The following SMTN variants were observed in gnomAD, a reference collection of about 807,000 sequenced individuals.
SMTN encodes smoothelin.
Under a neutral mutation model 102.0 loss-of-function variants are expected in SMTN, and 58 were observed. The observed-to-expected ratio is 0.57, with a 90% CI of 0.46 to 0.71. The LOEUF (loss-of-function observed/expected upper bound fraction) is 0.71. Ranked by LOEUF, SMTN falls within the 30% of genes least tolerant of loss-of-function variation. The probability of loss-of-function intolerance (pLI) is 0.00; values close to 1 mark genes in which losing one functional copy is unlikely to be tolerated. For synonymous variants in SMTN, 478 were observed against 497.9 expected, an observed-to-expected ratio of 0.96 and a Z score of 0.53; for missense variants, 1,185 against 1,241.7, an observed-to-expected ratio of 0.95 and a Z score of 0.69.
Position 31,096,784 on chromosome 22 carries a change from C to T in SMTN, c.1913C>T (p.Pro638Leu), listed in dbSNP as rs772760133. 15 of 1,566,150 alleles carry T rather than the reference C, an allele frequency of 9.6e-6. No homozygotes were observed. Among genetic ancestry groups the T allele is most frequent in the Non-Finnish European group, 1.3e-5 (15 of 1,157,658 alleles). Residue 638 changes from proline to leucine, a missense_variant, in exon 14 of 21, where the codon CCA becomes CTA. Coordinates refer to ENST00000333137, the MANE Select transcript of SMTN (RefSeq NM_134269.3). ...CGGCTGCAGGAGGCACGGGGCCGGC[C>T]AGGGGAGGGGCGCGGCAACACAGCC... The part of the protein sequence containing the change: ...ERRLQEARGR[P>L]GEGRGNTATE...
At chr22:31,080,402 A>G (rs1424463985), upstream of SMTN, 1 of 152,240 alleles carries the variant, frequency 6.6e-6, no homozygotes, top group East Asian at 1.9e-4. Flanking sequence ...TATGCCTGGT[A>G]CATGGCAAGT....
Position 31,087,984 on chromosome 22 carries a change from TG to T in SMTN, c.73del (p.Ala25GlnfsTer65), listed in dbSNP as rs1305095275. ...LRKLLEVTAD[L>X]AERRRIRSAI... ...CTGCAGCTGGAGGTCACAGCAGATCTGGCAGAGCGGCGGCGCATCCGCTCAG... is the reference window on the plus strand; with the variant it reads ...CTGCAGCTGGAGGTCACAGCAGATCTGCAGAGCGGCGGCGCATCCGCTCAG... On this transcript the variant is annotated frameshift_variant, in exon 3 of 21. Transcript: ENST00000333137. LOFTEE classifies it high-confidence loss of function. 7 of 1,604,614 alleles carry T rather than the reference TG, an allele frequency of 4.4e-6. No homozygotes were observed. Among genetic ancestry groups the T allele is most frequent in the African/African-American group, 2.7e-5 (2 of 74,768 alleles).
chr22:31,085,319 G>A (rs2042611726), intron 2 of SMTN: 1 of 1,475,826 alleles, frequency 6.8e-7, no homozygotes, highest in East Asian at 2.6e-5. Flanking sequence ...GGCGCCCTGC[G>A]AGGGAGGGCG....
intron 2 of SMTN, chr22:31,085,193 G>A: frequency 6.5e-7 from 1 of 1,535,436 alleles, no homozygotes; most frequent in South Asian, 1.2e-5. Context: ...TGGGTGTCCT[G>A]GGGACCTTGG....
intron 19 of SMTN, 36 bp from the exon 20 acceptor site, chr22:31,100,849 G>A (rs753693655): frequency 6.0e-5 from 20 of 332,584 alleles, no homozygotes; most frequent in South Asian, 1.1e-4. Flanking sequence ...TCCTGCCCCC[G>A]TCCCCCACCC....
chr22:31,093,775 C>T (rs1434062135), intron 11 of SMTN: 2 of 1,594,530 alleles, frequency 1.3e-6, no homozygotes, highest in Non-Finnish European at 1.7e-6. Context: ...CCCCGAGGCC[C>T]TCTTTCAGGC....
At position 31,099,419 on chromosome 22, in the gene SMTN, G is replaced by A. The variant is rs190135903; in HGVS notation, c.2451+240G>A. On this transcript the variant is annotated intron_variant, in intron 18 of 20. Coordinates refer to ENST00000333137, the MANE Select transcript of SMTN (RefSeq NM_134269.3). ...TGGGTGGTGGGCAGGGTTCAAGGCC[G>A]GATCCCACTCTTGGAGTCCCCTCCT... 44 of 589,254 alleles carry A rather than the reference G, an allele frequency of 7.5e-5. 1 individual carries two copies. The highest frequency in any genetic ancestry group is 9.0e-4 in the Middle Eastern group (2 of 2,218). The allele number at this position is 589,254 out of a possible 1,614,324, so 36.5% of individuals were successfully genotyped here.
Position 31,088,108 on chromosome 22 carries a change from G to A in SMTN, c.195G>A (p.Trp65Ter). 1.3e-6 allele frequency: 2 copies of A among 1,598,938 alleles called. No homozygotes were observed. The highest frequency in any genetic ancestry group is 1.7e-6 in the Non-Finnish European group (2 of 1,169,688). The part of the protein sequence containing the change: ...RAERQDNKEN[W>*]LHSQQREAEQ... ...AGCGGCAGGACAACAAGGAGAACTG[G>A]CTGCAGTGAGTAGCGGGGGGTGGAA... Residue 65 changes from tryptophan (W) to a stop codon, truncating the protein, a stop_gained, in exon 3 of 21, where the codon TGG becomes TGA. Coordinates refer to ENST00000333137, the MANE Select transcript of SMTN (RefSeq NM_134269.3). LOFTEE classifies it high-confidence loss of function.
Position 31,081,473 on chromosome 22 carries a change from C to CG in SMTN, c.-81+24dup, listed in dbSNP as rs1208991946. On this transcript the variant is annotated intron_variant, in intron 1 of 20. Coordinates refer to ENST00000333137, the MANE Select transcript of SMTN (RefSeq NM_134269.3). The stretch of plus-strand genomic sequence containing the variant: ...GACTGAGAGGTGGGTGTGCGGACCT[C>CG]GGGGGGGATCCTGGTGCTGCCCCAA... The CG allele has an allele frequency of 3.9e-5, 6 of 152,388 alleles. No homozygotes were observed. The highest frequency in any genetic ancestry group is 6.5e-5 in the Admixed American group (1 of 15,280). 9.4% of individuals were successfully genotyped at this position (152,388 alleles called of 1,614,324 possible). A position where few individuals can be genotyped will look rare whatever the true frequency, so the allele number is the denominator to read the frequency against.
chr22:31,098,696 C>T lies in SMTN; in HGVS notation c.2189C>T (p.Pro730Leu), dbSNP rs2043813435. 1.9e-6 allele frequency: 3 copies of T among 1,613,550 alleles called. No individual in the cohort carries two copies. The highest frequency in any genetic ancestry group is 1.7e-4 in the Middle Eastern group (1 of 6,060). ...TTCGACCGCGAGGACCAGGCCAGCCCACGGGCCGGCAGCCTGGCGGCGCTC... is the reference window on the plus strand; with the variant it reads ...TTCGACCGCGAGGACCAGGCCAGCCTACGGGCCGGCAGCCTGGCGGCGCTC... ...SIFDREDQAS[P>L]RAGSLAALEK... is the part of the protein sequence containing the mutation. Residue 730 changes from proline (P) to leucine (L), a missense_variant, in exon 17 of 21, where the codon CCA becomes CTA. Pro to Leu is a moderately conservative substitution (Grantham distance 98). Coordinates refer to ENST00000333137, the MANE Select transcript of SMTN (RefSeq NM_134269.3).
At chr22:31,099,529 G>A (rs1294815855) in intron 18 of SMTN, 10 of 598,582 alleles carry the variant, frequency 1.7e-5, no homozygotes, top group Non-Finnish European at 2.7e-5. Context: ...GCTGGGTGGC[G>A]CTGGGCCTCT....
chr22:31,075,491 G>A (rs1383466295), intron 1 of SMTN, among the ~76,000 whole-genome samples: 1 of 152,082 alleles, frequency 6.6e-6, no homozygotes, highest in Admixed American at 6.6e-5. Flanking sequence ...GACCAGCCTG[G>A]CCAACATGTC....
At position 31,090,819 on chromosome 22, in the gene SMTN, C is replaced by T; in HGVS notation, c.877C>T (p.Pro293Ser). 6.2e-7 allele frequency: 1 copy of T among 1,613,682 alleles called. No individual in the cohort carries two copies. Among genetic ancestry groups the T allele is most frequent in the Non-Finnish European group, 8.5e-7 (1 of 1,179,718 alleles). ...SDTKRADVAG[P>S]RPCQRSLSVL... Reference sequence around the variant, plus strand: ...CCCCAACCTGCCAGACGTGGCTGGACCCCGACCCTGCCAACGCTCCCTGTC... The same window carrying T: ...CCCCAACCTGCCAGACGTGGCTGGATCCCGACCCTGCCAACGCTCCCTGTC... The change falls in exon 9 of 21, where the codon CCC becomes TCC. Residue 293 changes from proline (P) to serine (S), a missense_variant. Coordinates refer to ENST00000333137, the MANE Select transcript of SMTN (RefSeq NM_134269.3).
chr22:31,066,467 C>G (rs1048353461), intron 1 of SMTN: 1 of 152,172 alleles, frequency 6.6e-6, no homozygotes, highest in Non-Finnish European at 1.5e-5. Flanking sequence ...ACCACCACGC[C>G]TGGCTAATTT....
Position 31,098,885 on chromosome 22 carries a change from A to G in SMTN, c.2333+45A>G, listed in dbSNP as rs776213670. On this transcript the variant is annotated intron_variant, in intron 17 of 20. Transcript: ENST00000333137. ...TGGGCAGTGGGGGGCGGGGCGTGATAGGCAGTGGGGGGCGGGGCTTGATAG... is the reference window on the plus strand; with the variant it reads ...TGGGCAGTGGGGGGCGGGGCGTGATGGGCAGTGGGGGGCGGGGCTTGATAG... 90 of 1,245,064 alleles carry G rather than the reference A, an allele frequency of 7.2e-5. 1 individual carries two copies. The highest frequency in any genetic ancestry group is 1.0e-4 in the Non-Finnish European group (89 of 879,312). 77.1% of individuals were successfully genotyped at this position (1,245,064 alleles called of 1,614,324 possible). A position where few individuals can be genotyped will look rare whatever the true frequency, so the allele number is the denominator to read the frequency against.
At chr22:31,082,835 G>A in intron 1 of SMTN, 1 of 1,504,684 alleles carries the variant, frequency 6.6e-7, no homozygotes, top group Non-Finnish European at 8.9e-7. Context: ...GCACCCCCTG[G>A]TGGTAAGCAC....
intron 6 of SMTN, among the ~76,000 whole-genome samples, chr22:31,089,403 A>T (rs1317054719): frequency 6.6e-6 from 1 of 152,110 alleles, no homozygotes; most frequent in Non-Finnish European, 1.5e-5. Flanking sequence ...CACTCCAGGG[A>T]TCTATTAAGG....
rs915130945 is a variant in SMTN, at chr22:31,104,574, T to TC, written c.*286dup. On this transcript the variant is annotated 3_prime_UTR_variant, in exon 21 of 21. Coordinates refer to ENST00000333137, the MANE Select transcript of SMTN (RefSeq NM_134269.3). ...CGCTGCCCTGTCTGTTGCGACACCC[T>TC]CCCCCCCACATACACACGCAGCGTT... The TC allele has an allele frequency of 8.8e-5, 95 of 1,076,888 alleles. No individual in the cohort carries two copies. The highest frequency in any genetic ancestry group is 7.5e-4 in the South Asian group (55 of 73,652). The allele number at this position is 1,076,888 out of a possible 1,614,324, so 66.7% of individuals were successfully genotyped here.
chr22:31,093,049 A>C (rs776991452), intron 11 of SMTN, among the ~76,000 whole-genome samples: 1 of 152,218 alleles, frequency 6.6e-6, no homozygotes. Flanking sequence ...TCTCACAGCT[A>C]ATGTACATGG....
Sources: gnomAD v4.1 joint callset for allele counts (sites outside exome capture counted in the v4.1 genomes callset) on GRCh38, gnomAD v4.1.1 for gene constraint, MANE v1.5 for transcripts, NCBI Gene and HGNC (gene_info 2026-07-23, HGNC 2026-07-21) for gene names.